The following ITGA8 variants were observed in gnomAD, a reference collection of about 807,000 sequenced individuals.
ITGA8 encodes integrin alpha-8.
A neutral mutation model predicts 142.3 loss-of-function variants in ITGA8; 91 were observed. The ratio of observed to expected loss-of-function variants is 0.64; its 90% CI spans 0.54 to 0.76. The LOEUF (loss-of-function observed/expected upper bound fraction) is 0.76. ITGA8 is among the 30% of genes least tolerant of loss of function. ITGA8 has a pLI of 0.00. For synonymous variants in ITGA8, 505 were observed against 485.2 expected (o/e 1.04, Z -0.54); for missense variants, 1,406 against 1,327.7 (o/e 1.06, Z -0.92).
chr10:15,691,606 C>T (rs1423012670), intron 2 of ITGA8, among the ~76,000 whole-genome samples: 2 of 152,098 alleles, frequency 1.3e-5, no homozygotes, highest in Non-Finnish European at 2.9e-5. Context: ...AGACACAAAA[C>T]CACCGATATT....
chr10:15,551,887 T>A (rs1346529573), intron 26 of ITGA8, among the ~76,000 whole-genome samples: 1 of 152,158 alleles, frequency 6.6e-6, no homozygotes, highest in African/African-American at 2.4e-5. Context: ...GTAATATATG[T>A]GTTAACAAAA....
intron 28 of ITGA8, among the ~76,000 whole-genome samples, chr10:15,521,727 ACT>A (rs1407468244): frequency 6.6e-6 from 1 of 152,124 alleles, no homozygotes; most frequent in Admixed American, 6.5e-5. Context: ...CATTACGTAC[ACT>A]CTGCGCACCA....
chr10:15,622,662 T>A (rs1833512640), intron 13 of ITGA8, among the ~76,000 whole-genome samples: 1 of 152,186 alleles, frequency 6.6e-6, no homozygotes, highest in African/African-American at 2.4e-5. Context: ...GTGAAATGTT[T>A]ATAATGTATA....
chr10:15,611,817 A>C (rs1056507014), intron 15 of ITGA8, among the ~76,000 whole-genome samples: 48 of 152,246 alleles, frequency 3.2e-4, no homozygotes, highest in African/African-American at 1.1e-3. Flanking sequence ...AAAAAAAAAA[A>C]AAACCACACA....
At chr10:15,709,763 C>A (rs1054321224) in intron 2 of ITGA8, among the ~76,000 whole-genome samples, 6 of 152,196 alleles carry the variant, frequency 3.9e-5, no homozygotes, top group Non-Finnish European at 7.3e-5. Context: ...TTGAAACTGC[C>A]ATGTCAGAAC....
chr10:15,670,954 C>T (rs187024957), intron 8 of ITGA8, among the ~76,000 whole-genome samples: 1 of 152,176 alleles, frequency 6.6e-6, no homozygotes, highest in Admixed American at 6.5e-5. Flanking sequence ...TCTGACCCCC[C>T]ACCGTCATCA....
intron 22 of ITGA8, among the ~76,000 whole-genome samples, chr10:15,590,567 G>C (rs556607736): frequency 6.6e-6 from 1 of 152,332 alleles, no homozygotes; most frequent in South Asian, 2.1e-4. Flanking sequence ...CAATGATGCA[G>C]AGGAATAGAA....
chr10:15,531,475 G>A (rs1833293892), intron 27 of ITGA8, among the ~76,000 whole-genome samples: 1 of 123,326 alleles, frequency 8.1e-6, no homozygotes, highest in South Asian at 2.4e-4. Flanking sequence ...ATAAAAGACT[G>A]TGTATAATAA....
rs547235882 is a variant in ITGA8, at chr10:15,573,535, G to T, written c.2479-1166C>A. 2.0e-5 allele frequency among the ~76,000 whole-genome samples: 3 copies of T among 152,138 alleles called. No homozygotes were observed. In the South Asian group the frequency reaches 6.2e-4, roughly 32 times the overall value. On this transcript the variant is annotated intron_variant, in intron 24 of 29. Coordinates refer to ENST00000378076, the MANE Select transcript of ITGA8 (RefSeq NM_003638.3). ...TGATCCAGCTTTGGACAAGGCTCCT[G>T]AATCTGGGCCACAGGTTGGGCGGAT... is the stretch of plus-strand genomic sequence containing the variant.
At chr10:15,638,813 G>A (rs746938525) in intron 13 of ITGA8, among the ~76,000 whole-genome samples, 8 of 152,104 alleles carry the variant, frequency 5.3e-5, no homozygotes, top group African/African-American at 1.9e-4. Flanking sequence ...GCAGCTGAAC[G>A]CCTGTATGTC....
At chr10:15,578,766 T>G (rs182375858) in intron 23 of ITGA8, among the ~76,000 whole-genome samples, 43 of 152,260 alleles carry the variant, frequency 2.8e-4, no homozygotes, top group African/African-American at 1.0e-3. Flanking sequence ...TCAATCCTGA[T>G]TATTTTACAA....
chr10:15,605,684 C>A, intron 19 of ITGA8, 40 bp downstream of exon 19: 1 of 1,489,776 alleles, frequency 6.7e-7, no homozygotes, highest in South Asian at 1.1e-5. Flanking sequence ...ACCTGTAATT[C>A]CATTAGATAG....
intron 26 of ITGA8, among the ~76,000 whole-genome samples, chr10:15,554,080 T>C (rs137864205): frequency 6.6e-6 from 1 of 152,316 alleles, no homozygotes; most frequent in African/African-American, 2.4e-5. Context: ...GTTATCCTAC[T>C]TTATTGGACT....
At chr10:15,681,792 T>C (rs1272040913) in intron 4 of ITGA8, among the ~76,000 whole-genome samples, 1 of 152,242 alleles carries the variant, frequency 6.6e-6, no homozygotes, top group South Asian at 2.1e-4. Context: ...CATGAGCATA[T>C]GGTCAATATC....
chr10:15,667,373 A>C (rs1834416247), intron 8 of ITGA8, among the ~76,000 whole-genome samples: 1 of 151,586 alleles, frequency 6.6e-6, no homozygotes, highest in African/African-American at 2.4e-5. Flanking sequence ...TATCCCCTTT[A>C]TCATTTTTTA....
chr10:15,522,754 G>A (rs7069969), intron 28 of ITGA8, among the ~76,000 whole-genome samples: 104,331 of 152,202 alleles, frequency 0.69, 41,222 homozygotes, highest in Non-Finnish European at 0.87. Flanking sequence ...GCTCATGCCT[G>A]TAATCCCAGC....
At chr10:15,630,824 A>G (rs930546245) in intron 13 of ITGA8, among the ~76,000 whole-genome samples, 5 of 151,982 alleles carry the variant, frequency 3.3e-5, no homozygotes, top group African/African-American at 4.8e-5. Flanking sequence ...CTTATATCCT[A>G]TTTTTTAAAA....
intron 13 of ITGA8, among the ~76,000 whole-genome samples, chr10:15,632,893 C>G (rs1421168936): frequency 6.6e-6 from 1 of 152,170 alleles, no homozygotes; most frequent in African/African-American, 2.4e-5. Context: ...TGGACAGTCA[C>G]TGCTGGTCCT....
intron 27 of ITGA8, among the ~76,000 whole-genome samples, chr10:15,532,568 G>A (rs1305033044): frequency 6.6e-6 from 1 of 151,856 alleles, no homozygotes; most frequent in Non-Finnish European, 1.5e-5. Context: ...TGTTTAATAG[G>A]GTCTCATATT....
Sources: allele counts gnomAD v4.1 joint callset (sites outside exome capture counted in the v4.1 genomes callset), GRCh38; gene constraint gnomAD v4.1.1; transcripts MANE v1.5; gene names NCBI Gene and HGNC (gene_info 2026-07-23, HGNC 2026-07-21).